GIGYF2: variants seen among roughly 807,000 people sequenced by gnomAD.
GIGYF2 encodes the protein GRB10 interacting GYF protein 2, also known as GRB10-interacting GYF protein 2.
A neutral mutation model predicts 208.1 loss-of-function variants in GIGYF2; 25 were observed. That is an observed-to-expected ratio of 0.12 (90% confidence interval 0.09 to 0.17). The LOEUF is 0.17. GIGYF2 is among the 10% of genes least tolerant of loss of function. The pLI is 1.00. For missense variants in GIGYF2, 1,302 were observed against 1,579.4 expected, an observed-to-expected ratio of 0.82 and a Z score of 2.98; for synonymous variants, 534 against 543.8, an observed-to-expected ratio of 0.98 and a Z score of 0.25.
rs1164374232 is a variant in GIGYF2, at chr2:232,860,437, A to T, written c.*3577A>T. On this transcript the variant is annotated 3_prime_UTR_variant, in exon 29 of 29. Transcript: ENST00000373563. ...ATAAAAGTATATGTTTTACATTTTCAATATATATATAATATATACATATAT... is the reference window on the plus strand; with the variant it reads ...ATAAAAGTATATGTTTTACATTTTCTATATATATATAATATATACATATAT... 2 of 149,066 alleles carry T rather than the reference A, an allele frequency of 1.3e-5. No homozygotes were observed. Among genetic ancestry groups the T allele is most frequent in the East Asian group, 1.9e-4 (1 of 5,158 alleles). 9.2% of individuals were successfully genotyped at this position (149,066 alleles called of 1,614,324 possible).
rs1343032286 is a variant in GIGYF2, at chr2:232,836,279, T to A, written c.2766+3186T>A. Among the ~76,000 whole-genome samples the A allele has an allele frequency of 9.6e-4, 6 of 6,250 alleles. 1 individual carries two copies. The highest frequency in any genetic ancestry group is 4.1e-3 in the African/African-American group (5 of 1,224). The allele number at this position is 6,250 out of a possible 152,430, so 4.1% of individuals were successfully genotyped here. On this transcript the variant is annotated intron_variant, in intron 22 of 28. Coordinates refer to ENST00000373563, the MANE Select transcript of GIGYF2 (RefSeq NM_001103146.3). ...CCATCTCTACATATATATATATATA[T>A]ATATATATATATATATATATATATA... is the stretch of plus-strand genomic sequence containing the variant.
rs1174245243 is a variant in GIGYF2, at chr2:232,726,765, A to G, written c.-43-8390A>G. On this transcript the variant is annotated intron_variant, in intron 2 of 28. Transcript: ENST00000373563. ...TAGATCTTGCCCGCTCCATACCTCT[A>G]GTTCTTCTTTCTAGAGGACTATCAC... 2.6e-5 allele frequency among the ~76,000 whole-genome samples: 4 copies of G among 152,214 alleles called. No homozygotes were observed. In the East Asian group the frequency reaches 7.7e-4, roughly 29 times the overall value.
chr2:232,832,201 A>G (rs1701441408), intron 21 of GIGYF2, among the ~76,000 whole-genome samples: 1 of 152,212 alleles, frequency 6.6e-6, no homozygotes, highest in African/African-American at 2.4e-5. Context: ...GGAATATGAT[A>G]TGGGTAAGAC....
intron 20 of GIGYF2, among the ~76,000 whole-genome samples, chr2:232,817,369 G>A (rs1191358928): frequency 6.6e-6 from 1 of 152,044 alleles, no homozygotes; most frequent in East Asian, 1.9e-4. Context: ...AGTTACATGG[G>A]CTTTAAAAAA....
At chr2:232,809,285 C>T (rs1452587246) in intron 15 of GIGYF2, among the ~76,000 whole-genome samples, 1 of 152,202 alleles carries the variant, frequency 6.6e-6, no homozygotes, top group Non-Finnish European at 1.5e-5. Flanking sequence ...TACTGGCTCC[C>T]TGCATTCCTT....
intron 8 of GIGYF2, among the ~76,000 whole-genome samples, chr2:232,775,279 T>G (rs768715081): frequency 1.6e-4 from 24 of 152,126 alleles, no homozygotes; most frequent in Non-Finnish European, 2.8e-4. Context: ...TACATAGCTG[T>G]GTCATTTTGG....
rs1416480339 is a variant in GIGYF2 at position 232,859,839 on chromosome 2, T to G, written c.*2979T>G. 1 of 152,118 alleles carries G rather than the reference T, an allele frequency of 6.6e-6. No individual in the cohort carries two copies. Among genetic ancestry groups the G allele is most frequent in the Admixed American group, 6.6e-5 (1 of 15,266 alleles). 9.4% of individuals were successfully genotyped at this position (152,118 alleles called of 1,614,324 possible). ...CAGCTTCAGAGGAGTTGAACTTAAGTGGTGATTGGCTTCCCCCAGAGAACC... is the reference window on the plus strand; with the variant it reads ...CAGCTTCAGAGGAGTTGAACTTAAGGGGTGATTGGCTTCCCCCAGAGAACC... On this transcript the variant is annotated 3_prime_UTR_variant, in exon 29 of 29. Coordinates refer to ENST00000373563, the MANE Select transcript of GIGYF2 (RefSeq NM_001103146.3).
intron 8 of GIGYF2, among the ~76,000 whole-genome samples, chr2:232,763,023 A>C (rs1698810557): frequency 6.6e-6 from 1 of 151,692 alleles, no homozygotes; most frequent in South Asian, 2.1e-4. Flanking sequence ...GACCCTGTCA[A>C]AAAAAAAATT....
At chr2:232,830,843 G>T (rs1199294716) in intron 21 of GIGYF2, among the ~76,000 whole-genome samples, 1 of 152,096 alleles carries the variant, frequency 6.6e-6, no homozygotes, top group South Asian at 2.1e-4. Flanking sequence ...ATAATAACTT[G>T]TAAAAAAGAG....
At chr2:232,709,188 A>G (rs1439907678) in intron 2 of GIGYF2, among the ~76,000 whole-genome samples, 3 of 152,206 alleles carry the variant, frequency 2.0e-5, no homozygotes, top group Non-Finnish European at 4.4e-5. Context: ...GAGCCTAACT[A>G]TCCTTATCTG....
At chr2:232,723,918 A>G (rs1041317128) in intron 2 of GIGYF2, among the ~76,000 whole-genome samples, 2 of 148,594 alleles carry the variant, frequency 1.3e-5, no homozygotes, top group African/African-American at 5.0e-5. Flanking sequence ...TTGTATTTTC[A>G]GTAGAGACGG....
chr2:232,761,332 T>C, intron 7 of GIGYF2, 64 bp from the exon 8 acceptor site: 1 of 963,456 alleles, frequency 1.0e-6, no homozygotes, highest in Non-Finnish European at 1.7e-6. Flanking sequence ...GGAAAGTGAG[T>C]GTCACAGATA....
intron 3 of GIGYF2, chr2:232,736,072 C>T: frequency 1.0e-6 from 1 of 971,422 alleles, no homozygotes; most frequent in Non-Finnish European, 1.2e-6. Context: ...GTCTTATTAA[C>T]TTATCCTATT....
At chr2:232,842,077 C>T (rs1016604823) in intron 23 of GIGYF2, among the ~76,000 whole-genome samples, 1 of 151,664 alleles carries the variant, frequency 6.6e-6, no homozygotes, top group Non-Finnish European at 1.5e-5. Context: ...TGAGCTCAAG[C>T]GATCTTCCCA....
intron 2 of GIGYF2, chr2:232,705,381 C>T (rs1696048153): frequency 6.6e-6 from 1 of 152,018 alleles, no homozygotes; most frequent in African/African-American, 2.4e-5. Flanking sequence ...TTTAATGGAA[C>T]ATTTTGAAGT....
intron 8 of GIGYF2, among the ~76,000 whole-genome samples, chr2:232,774,625 C>A (rs1273093967): frequency 6.6e-6 from 1 of 152,114 alleles, no homozygotes; most frequent in Non-Finnish European, 1.5e-5. Context: ...TAGTTGGTTG[C>A]CTTCAAAATG....
At chr2:232,743,188 T>C (rs1265358417) in intron 3 of GIGYF2, among the ~76,000 whole-genome samples, 1 of 152,014 alleles carries the variant, frequency 6.6e-6, no homozygotes, top group Non-Finnish European at 1.5e-5. Context: ...CAGGAGCTAG[T>C]GGAGTGGCAG....
rs1187503725 is a variant in GIGYF2, at chr2:232,814,564, A to ACCCCCCCC, written c.2108-1073_2108-1072insCCCCCCCC. On this transcript the variant is annotated intron_variant, in intron 18 of 28. Coordinates refer to ENST00000373563, the MANE Select transcript of GIGYF2 (RefSeq NM_001103146.3). ...GGTGACAGAGTGAGACTCCACCTCA[A>ACCCCCCCC]ACCCCCCCCCCCCAAAAAAAAAGTA... 5.4e-4 allele frequency among the ~76,000 whole-genome samples: 35 copies of ACCCCCCCC among 65,194 alleles called. 7 individuals carry two copies. Among genetic ancestry groups the ACCCCCCCC allele is most frequent in the Non-Finnish European group, 8.4e-4 (27 of 32,230 alleles). The allele number at this position is 65,194 out of a possible 152,430, so 42.8% of individuals were successfully genotyped here.
chr2:232,768,006 T>C (rs1286104600), intron 8 of GIGYF2: 4 of 610,166 alleles, frequency 6.6e-6, no homozygotes, highest in African/African-American at 5.6e-5. Flanking sequence ...AACTTTGTAA[T>C]GTAGAGTGTT....
Sources: gnomAD v4.1 joint callset for allele counts (sites outside exome capture counted in the v4.1 genomes callset) on GRCh38, gnomAD v4.1.1 for gene constraint, MANE v1.5 for transcripts, NCBI Gene and HGNC (gene_info 2026-07-23, HGNC 2026-07-21) for gene names.